Variants in ATRNL1 observed in about 807,000 individuals in gnomAD.
ATRNL1 encodes attractin-like protein 1.
A neutral mutation model predicts 182.7 loss-of-function variants in ATRNL1; 95 were observed. That is an observed-to-expected ratio of 0.52 (90% CI 0.44 to 0.62). ATRNL1 has a LOEUF of 0.62. ATRNL1 is among the 20% of genes least tolerant of loss of function. The pLI is 0.00. For synonymous variants in ATRNL1, 576 were observed against 568.3 expected, an observed-to-expected ratio of 1.01 and a Z score of -0.19; for missense variants, 1,471 against 1,679.5, an observed-to-expected ratio of 0.88 and a Z score of 2.17.
chr10:115,803,711 A>C (rs1191022568), intron 27 of ATRNL1, among the ~76,000 whole-genome samples: 2 of 151,836 alleles, frequency 1.3e-5, no homozygotes, highest in African/African-American at 4.8e-5. Context: ...CCATTTTTCC[A>C]TGTTTTTTTC....
intron 5 of ATRNL1, among the ~76,000 whole-genome samples, chr10:115,144,928 T>G (rs1263508896): frequency 1.3e-5 from 2 of 152,172 alleles, no homozygotes; most frequent in Non-Finnish European, 2.9e-5. Flanking sequence ...AAATTGAATT[T>G]GTGATTAATA....
chr10:115,838,284 G>A (rs1331695706), intron 27 of ATRNL1, among the ~76,000 whole-genome samples: 4 of 152,178 alleles, frequency 2.6e-5, no homozygotes, highest in South Asian at 2.1e-4. Flanking sequence ...TTCAAGGGAC[G>A]TAAGAGGATG....
chr10:115,387,234 A>G lies in ATRNL1; in HGVS notation c.3176-7425A>G, dbSNP rs376112003. On this transcript the variant is annotated intron_variant, in intron 19 of 28. Coordinates refer to ENST00000355044, the MANE Select transcript of ATRNL1 (RefSeq NM_207303.4). ...AAACAAGCTAGCTAGGTAAACTACT[A>G]TGCCGTCCTTTGTTGCTGCTTTAAT... Among the ~76,000 whole-genome samples, 115 of 152,238 alleles carry G rather than the reference A, an allele frequency of 7.6e-4. 2 individuals are homozygous for G. The South Asian group carries it at 0.021, about 28-fold the overall frequency.
rs1555125916 is a variant in ATRNL1 at position 115,946,826 on chromosome 10, AT to A, written c.*2050del. ...TTTTTAAAAAGTGATTGCCCAATGT[AT>A]TTCTCTAACAATTGTCACAAGAGAA... On this transcript the variant is annotated 3_prime_UTR_variant, in exon 29 of 29. Coordinates refer to ENST00000355044, the MANE Select transcript of ATRNL1 (RefSeq NM_207303.4). 6.6e-6 allele frequency: 1 copy of A among 152,208 alleles called. No individual in the cohort carries two copies. Among genetic ancestry groups the A allele is most frequent in the African/African-American group, 2.4e-5 (1 of 41,460 alleles). The allele number at this position is 152,208 out of a possible 1,614,324, so 9.4% of individuals were successfully genotyped here. A position where few individuals can be genotyped will look rare whatever the true frequency, so the allele number is the denominator to read the frequency against.
At chr10:115,463,156 T>A (rs1407907992) in intron 22 of ATRNL1, among the ~76,000 whole-genome samples, 1 of 151,896 alleles carries the variant, frequency 6.6e-6, no homozygotes, top group East Asian at 1.9e-4. Context: ...GCAACTTCTT[T>A]CCTTTTAACG....
At chr10:115,304,319 C>T (rs1290653523) in intron 17 of ATRNL1, among the ~76,000 whole-genome samples, 1 of 152,216 alleles carries the variant, frequency 6.6e-6, no homozygotes, top group East Asian at 1.9e-4. Context: ...ACTCTTCCTT[C>T]CCTCCTTTGA....
chr10:115,192,852 T>C (rs1848220753), intron 8 of ATRNL1, among the ~76,000 whole-genome samples: 2 of 152,080 alleles, frequency 1.3e-5, no homozygotes, highest in Non-Finnish European at 1.5e-5. Flanking sequence ...TTACTTTTTT[T>C]TGGTTTCTTT....
intron 28 of ATRNL1, among the ~76,000 whole-genome samples, chr10:115,856,000 C>A (rs1034260969): frequency 6.6e-6 from 1 of 152,052 alleles, no homozygotes; most frequent in Non-Finnish European, 1.5e-5. Flanking sequence ...TCAATTCTAC[C>A]CTTTATGACC....
intron 10 of ATRNL1, among the ~76,000 whole-genome samples, chr10:115,255,202 T>C (rs957924668): frequency 1.4e-4 from 22 of 152,214 alleles, no homozygotes; most frequent in South Asian, 2.1e-4. Context: ...GGGGATGGCA[T>C]TGAATCTATA....
intron 26 of ATRNL1, among the ~76,000 whole-genome samples, chr10:115,564,342 A>G (rs1853942998): frequency 6.6e-6 from 1 of 152,026 alleles, no homozygotes; most frequent in African/African-American, 2.4e-5. Flanking sequence ...ACTTTGAACA[A>G]GGGCAGTCAA....
chr10:115,392,758 C>T (rs1844091298), intron 19 of ATRNL1, among the ~76,000 whole-genome samples: 1 of 152,136 alleles, frequency 6.6e-6, no homozygotes, highest in South Asian at 2.1e-4. Flanking sequence ...CTGTGGGAGA[C>T]ACATACTTTC....
In ATRNL1 at chr10:115,774,664, G is replaced by A. The variant is rs191625624; in HGVS notation, c.3903+47309G>A. ...TAGCATATGTTTCAACTTTAGTACC[G>A]TCCAACAATAAGATACGTATTCTCT... On this transcript the variant is annotated intron_variant, in intron 27 of 28. Transcript: ENST00000355044. Among the ~76,000 whole-genome samples, 31 of 152,070 alleles carry A rather than the reference G, an allele frequency of 2.0e-4. No individual in the cohort carries two copies. The East Asian group carries it at 4.1e-3, about 20-fold the overall frequency.
At position 115,847,920 on chromosome 10, in the gene ATRNL1, G is replaced by C; in HGVS notation, c.3947G>C (p.Arg1316Thr). ...PIAIEPCAGN[R>T]AAVLTVFLCL... ...GCCATTGAACCATGTGCTGGGAACAGAGCTGCTGTTCTGACTGTGTTTCTT... is the reference window on the plus strand; with the variant it reads ...GCCATTGAACCATGTGCTGGGAACACAGCTGCTGTTCTGACTGTGTTTCTT... The change falls in exon 28 of 29, where the codon AGA (arginine) becomes ACA (threonine). Residue 1316 changes from arginine to threonine, a missense_variant. By Grantham distance (71) the Arg-to-Thr change is moderately conservative. Transcript: ENST00000355044. The C allele has an allele frequency of 6.2e-7, 1 of 1,613,058 alleles. No homozygotes were observed. The highest frequency in any genetic ancestry group is 8.5e-7 in the Non-Finnish European group (1 of 1,179,304).
chr10:115,339,611 T>C (rs1554937685), intron 19 of ATRNL1, among the ~76,000 whole-genome samples: 1 of 152,200 alleles, frequency 6.6e-6, no homozygotes, highest in Non-Finnish European at 1.5e-5. Flanking sequence ...ATGGAGTCTT[T>C]AGGTTTTTCC....
intron 26 of ATRNL1, among the ~76,000 whole-genome samples, chr10:115,669,496 G>T (rs1201287711): frequency 1.3e-5 from 2 of 152,056 alleles, no homozygotes; most frequent in African/African-American, 4.8e-5. Flanking sequence ...CTTTGCAACT[G>T]ACATTCTATG....
intron 27 of ATRNL1, among the ~76,000 whole-genome samples, chr10:115,751,971 T>A (rs1293288420): frequency 6.6e-6 from 1 of 152,046 alleles, no homozygotes; most frequent in Non-Finnish European, 1.5e-5. Flanking sequence ...GACCTAAGTG[T>A]ACTTTACTTC....
chr10:115,506,764 T>C (rs1850134320), intron 24 of ATRNL1, among the ~76,000 whole-genome samples: 1 of 152,046 alleles, frequency 6.6e-6, no homozygotes, highest in African/African-American at 2.4e-5. Flanking sequence ...AATTGTCCTA[T>C]TGGAGCCATA....
intron 1 of ATRNL1, among the ~76,000 whole-genome samples, chr10:115,117,530 T>C (rs782797974): frequency 2.6e-5 from 4 of 152,132 alleles, no homozygotes; most frequent in Non-Finnish European, 5.9e-5. Flanking sequence ...TGCAAATGAC[T>C]GAATCACATT....
chr10:115,204,744 T>C (rs1485893663), intron 8 of ATRNL1, among the ~76,000 whole-genome samples: 1 of 152,156 alleles, frequency 6.6e-6, no homozygotes, highest in African/African-American at 2.4e-5. Context: ...GGCTTTTATA[T>C]AGTGTCATTG....
Sources: gnomAD v4.1 joint callset for allele counts (sites outside exome capture counted in the v4.1 genomes callset) on GRCh38, gnomAD v4.1.1 for gene constraint, MANE v1.5 for transcripts, NCBI Gene and HGNC (gene_info 2026-07-23, HGNC 2026-07-21) for gene names.